EVC: variants seen among roughly 807,000 people sequenced by gnomAD.
The protein encoded by EVC is evC complex member EVC.
EVC carries 116 observed loss-of-function variants against 118.9 expected under a neutral mutation model. The observed-to-expected ratio is 0.98, with a 90% CI of 0.84 to 1.14. EVC has a LOEUF of 1.14. Ranked by LOEUF, EVC falls within the 50% of genes most tolerant of loss-of-function variation. The pLI is 0.00. For missense variants in EVC, 1,401 were observed against 1,246.4 expected, an observed-to-expected ratio of 1.12 and a Z score of -1.87; for synonymous variants, 619 against 534.7, an observed-to-expected ratio of 1.16 and a Z score of -2.18.
chr4:5,763,624 G>T (rs1490175055), intron 11 of EVC, among the ~76,000 whole-genome samples: 3 of 119,238 alleles, frequency 2.5e-5, no homozygotes, highest in African/African-American at 9.7e-5. Context: ...CACATCCCTT[G>T]TAAGTAGGAT....
intron 11 of EVC, among the ~76,000 whole-genome samples, chr4:5,772,440 C>T (rs887821079): frequency 6.6e-6 from 1 of 152,136 alleles, no homozygotes; most frequent in African/African-American, 2.4e-5. Flanking sequence ...CACTTAACCT[C>T]TCTGATCCAG....
At chr4:5,769,481 T>A (rs79145491) in intron 11 of EVC, among the ~76,000 whole-genome samples, 1 of 57,728 alleles carries the variant, frequency 1.7e-5, no homozygotes, top group Non-Finnish European at 4.2e-5. Flanking sequence ...GAATCCCCCC[T>A]GTCTCTCGGC....
At chr4:5,745,838 A>G (rs1401984505) in intron 7 of EVC, among the ~76,000 whole-genome samples, 1 of 152,194 alleles carries the variant, frequency 6.6e-6, no homozygotes, top group East Asian at 1.9e-4. Flanking sequence ...CTGGGGACTC[A>G]AAAATCATTT....
chr4:5,759,193 C>G (rs1049095909), intron 11 of EVC, among the ~76,000 whole-genome samples: 1 of 152,098 alleles, frequency 6.6e-6, no homozygotes, highest in Admixed American at 6.6e-5. Context: ...ATTATAATGG[C>G]GCAGAGGGTC....
chr4:5,828,308 G>A, the EVC span: 9 of 984,428 alleles, frequency 9.1e-6, no homozygotes, highest in East Asian at 9.1e-4. Flanking sequence ...CTCATTTGAT[G>A]CTCACTCCTG....
chr4:5,773,627 G>A (rs949970025), intron 11 of EVC, among the ~76,000 whole-genome samples: 9 of 152,106 alleles, frequency 5.9e-5, no homozygotes, highest in South Asian at 2.1e-4. Context: ...CTGAGCTGCC[G>A]GGGTGTTTTG....
At chr4:5,818,269 C>A (rs968819219), downstream of EVC, among the ~76,000 whole-genome samples, 14 of 152,178 alleles carry the variant, frequency 9.2e-5, no homozygotes, top group East Asian at 3.8e-4. Flanking sequence ...GTCCATTAAA[C>A]CTCTTTTTCT....
Position 5,811,037 on chromosome 4 carries a change from G to A in EVC, c.2979G>A (p.Ter993=), listed in dbSNP as rs767957964. ...KKMLKRRSNL[*] The stretch of plus-strand genomic sequence containing the variant: ...TGCTAAAGAGAAGAAGCAACTTGTA[G>A]TTTAAGACCAGTCGGTGGGACAAGA... The change falls in exon 21 of 21, where the codon TAG becomes TAA. Residue 993 remains the stop codon, a stop_retained_variant. Coordinates refer to ENST00000264956, the MANE Select transcript of EVC (RefSeq NM_153717.3). 4.3e-6 allele frequency: 7 copies of A among 1,610,048 alleles called. No homozygotes were observed. Among genetic ancestry groups the A allele is most frequent in the Non-Finnish European group, 5.9e-6 (7 of 1,177,846 alleles).
chr4:5,713,513 A>G (rs562958935), intron 1 of EVC, among the ~76,000 whole-genome samples: 489 of 152,230 alleles, frequency 3.2e-3, no homozygotes, highest in Non-Finnish European at 5.2e-3. Context: ...CCCTGCCTCT[A>G]CTAAAAATAC....
Position 5,811,059 on chromosome 4 carries a change from A to G in EVC, c.*22A>G, listed in dbSNP as rs374213158. 26 of 1,589,076 alleles carry G rather than the reference A, an allele frequency of 1.6e-5. No homozygotes were observed. Among genetic ancestry groups the G allele is most frequent in the Non-Finnish European group, 2.2e-5 (26 of 1,162,872 alleles). On this transcript the variant is annotated 3_prime_UTR_variant, in exon 21 of 21. Transcript: ENST00000264956. ...GTAGTTTAAGACCAGTCGGTGGGAC[A>G]AGACCTGAAGCCCTGGGTCTGGGTG...
At chr4:5,815,942 G>A (rs1264379052), downstream of EVC, among the ~76,000 whole-genome samples, 2 of 151,972 alleles carry the variant, frequency 1.3e-5, no homozygotes, top group Admixed American at 6.6e-5. Context: ...GAGGAACGCT[G>A]AGTATATACT....
intron 5 of EVC, among the ~76,000 whole-genome samples, chr4:5,740,324 A>G (rs1728327777): frequency 6.6e-6 from 1 of 152,014 alleles, no homozygotes; most frequent in Non-Finnish European, 1.5e-5. Flanking sequence ...TACAAAAATT[A>G]GCCGGGTGTG....
Position 5,804,804 on chromosome 4 carries a change from G to T in EVC, c.2524G>T (p.Gly842Cys). Residue 842 changes from glycine (G) to cysteine (C), a missense_variant, in exon 17 of 21, where the codon GGT (glycine) becomes TGT (cysteine). By Grantham distance (159) the Gly-to-Cys change is radical (BLOSUM62 -3). Coordinates refer to ENST00000264956, the MANE Select transcript of EVC (RefSeq NM_153717.3). ...SNPSSGSRTA[G>C]GAHETSQAVH... ...CCCTTCGTCGGGCAGCAGGACGGCA[G>T]GTGGCGCTCATGAGACCTCCCAGGC... 6.2e-7 allele frequency: 1 copy of T among 1,614,166 alleles called. No individual in the cohort carries two copies. The highest frequency in any genetic ancestry group is 8.5e-7 in the Non-Finnish European group (1 of 1,180,042).
chr4:5,747,963 A>G lies in EVC; in HGVS notation c.940-185A>G. ...AAACTGACTGACACTGGAACCAGAC[A>G]ATGGAACCAGAAAGAACTTCACTGT... is the stretch of plus-strand genomic sequence containing the variant. On this transcript the variant is annotated intron_variant, in intron 7 of 20. Transcript: ENST00000264956. The G allele has an allele frequency of 4.4e-6, 3 of 682,704 alleles. No individual in the cohort carries two copies. In the South Asian group the frequency reaches 5.0e-5, roughly 11 times the overall value. The allele number at this position is 682,704 out of a possible 1,614,324, so 42.3% of individuals were successfully genotyped here.
rs115846591 is a variant in EVC at position 5,799,452 on chromosome 4, C to T, written c.2304+660C>T. Among the ~76,000 whole-genome samples the T allele has an allele frequency of 2.8e-3, 433 of 152,310 alleles. 1 individual carries two copies. Among genetic ancestry groups the T allele is most frequent in the African/African-American group, 9.3e-3 (388 of 41,566 alleles). Reference sequence around the variant, plus strand: ...CTTCCCGTTGGGAAAAAGAGGCCTACGATTGGGCAAATGATACATTTCCAG... The same window carrying T: ...CTTCCCGTTGGGAAAAAGAGGCCTATGATTGGGCAAATGATACATTTCCAG... On this transcript the variant is annotated intron_variant, in intron 15 of 20. Coordinates refer to ENST00000264956, the MANE Select transcript of EVC (RefSeq NM_153717.3).
intron 6 of EVC, among the ~76,000 whole-genome samples, chr4:5,744,888 C>T (rs1729119485): frequency 6.6e-6 from 1 of 152,014 alleles, no homozygotes; most frequent in Non-Finnish European, 1.5e-5. Context: ...TCCTTCCCAA[C>T]CCACTGGATG....
intron 2 of EVC, among the ~76,000 whole-genome samples, chr4:5,724,092 A>G (rs1725414002): frequency 6.6e-6 from 1 of 152,216 alleles, no homozygotes; most frequent in African/African-American, 2.4e-5. Flanking sequence ...AGTTCGCAGC[A>G]CCATAAGGTG....
intron 1 of EVC, among the ~76,000 whole-genome samples, chr4:5,712,661 G>T (rs1044569481): frequency 6.6e-6 from 1 of 152,190 alleles, no homozygotes; most frequent in Non-Finnish European, 1.5e-5. Context: ...GGCTCTTTCA[G>T]AATATAGGGG....
At chr4:5,793,569 T>TAACC in intron 12 of EVC, 39 bp from the exon 13 acceptor site, 1 of 1,499,786 alleles carries the variant, frequency 6.7e-7, no homozygotes, top group Non-Finnish European at 9.1e-7. Flanking sequence ...TTGAAGTGAG[T>TAACC]AACCACATGC....
Sources: allele counts gnomAD v4.1 joint callset (sites outside exome capture counted in the v4.1 genomes callset), GRCh38; gene constraint gnomAD v4.1.1; transcripts MANE v1.5; gene names NCBI Gene and HGNC (gene_info 2026-07-23, HGNC 2026-07-21).